The following TTYH3 variants were observed in gnomAD, a reference collection of about 807,000 sequenced individuals.
The protein encoded by TTYH3 is tweety family member 3, also known as protein tweety homolog 3.
TTYH3 carries 23 observed loss-of-function variants against 68.2 expected under a neutral mutation model. The ratio of observed to expected loss-of-function variants is 0.34; its 90% CI spans 0.24 to 0.48. The LOEUF (loss-of-function observed/expected upper bound fraction) is 0.48, where lower values mean the gene tolerates loss of function less well. Ranked by LOEUF, TTYH3 falls within the 20% of genes least tolerant of loss-of-function variation. TTYH3 has a pLI of 0.99. For missense variants in TTYH3, 768 were observed against 727.7 expected (o/e 1.06, Z -0.64); for synonymous variants, 360 against 332.8 (o/e 1.08, Z -0.89).
chr7:2,659,886 CCA>C, intron 13 of TTYH3: 19 of 1,278,530 alleles, frequency 1.5e-5, no homozygotes, highest in East Asian at 5.7e-5. Context: ...GGCGTTGAGG[CCA>C]CACTCTCTCT....
chr7:2,637,050 G>A (rs1785696007), intron 1 of TTYH3, among the ~76,000 whole-genome samples: 1 of 152,090 alleles, frequency 6.6e-6, no homozygotes, highest in Non-Finnish European at 1.5e-5. Flanking sequence ...CTGGCTCCCT[G>A]ATCTCCCCAG....
In TTYH3 at chr7:2,632,161, C is replaced by T; in HGVS notation, c.6C>T (p.Ala2=). The T allele has an allele frequency of 6.9e-7, 1 of 1,459,428 alleles. No homozygotes were observed. The highest frequency in any genetic ancestry group is 2.9e-5 in the East Asian group (1 of 34,672). 90.4% of individuals were successfully genotyped at this position (1,459,428 alleles called of 1,614,324 possible). ...GGAGGCGGCCGGGCCCCGCCATGGC[C>T]GGGGTCAGCTACGCGGCGCCCTGGT... The part of the protein sequence containing the change: M[A]GVSYAAPWWV... Residue 2 remains alanine (A), a synonymous_variant, in exon 1 of 14, where the codon GCC becomes GCT. Coordinates refer to ENST00000258796, the MANE Select transcript of TTYH3 (RefSeq NM_025250.3).
At position 2,653,022 on chromosome 7, in the gene TTYH3, C is replaced by T. The variant is rs771873430; in HGVS notation, c.1020+12C>T. 4.4e-5 allele frequency: 68 copies of T among 1,559,674 alleles called. No individual in the cohort carries two copies. Among genetic ancestry groups the T allele is most frequent in the Middle Eastern group, 1.7e-4 (1 of 5,994 alleles). On this transcript the variant is annotated intron_variant, in intron 9 of 13. Coordinates refer to ENST00000258796, the MANE Select transcript of TTYH3 (RefSeq NM_025250.3). ...AGCCGGCCACTAAGGTGAGGGGCTG[C>T]GGGGTAGGCACTGGGGCAGGCAGGG...
intron 1 of TTYH3, among the ~76,000 whole-genome samples, chr7:2,640,392 C>CTG (rs201001264): frequency 2.7e-4 from 37 of 138,320 alleles, no homozygotes; most frequent in South Asian, 4.6e-4. Flanking sequence ...GAGCAGCCGC[C>CTG]TGTGTGTGTG....
intron 1 of TTYH3, among the ~76,000 whole-genome samples, chr7:2,635,130 G>C (rs983174961): frequency 6.6e-6 from 1 of 152,208 alleles, no homozygotes; most frequent in African/African-American, 2.4e-5. Flanking sequence ...GCCCACAGGA[G>C]GCCTGAGACT....
At chr7:2,643,156 G>C (rs767655405) in intron 1 of TTYH3, among the ~76,000 whole-genome samples, 11 of 151,380 alleles carry the variant, frequency 7.3e-5, no homozygotes, top group South Asian at 4.2e-4. Flanking sequence ...GAAATCGAGA[G>C]CATCCTGGCT....
At chr7:2,648,900 A>AGGCCTGCAGTGGGGTGTGG (rs1562713825) in intron 5 of TTYH3, among the ~76,000 whole-genome samples, 11 of 30,060 alleles carry the variant, frequency 3.7e-4, no homozygotes, top group Admixed American at 2.6e-3. Flanking sequence ...TGGGGTGTGC[A>AGGCCTGCAGTGGGGTGTGG]GGCCTGCAGT....
chr7:2,647,031 G>C lies in TTYH3; in HGVS notation c.293+9G>C, dbSNP rs762406965. 3 of 1,546,160 alleles carry C rather than the reference G, an allele frequency of 1.9e-6. No individual in the cohort carries two copies. The highest frequency in any genetic ancestry group is 1.2e-5 in the South Asian group (1 of 84,656). ...GCCACGCTGGTGTGCAGGTGAGCGC[G>C]GTGGGGCGGGGACGGAGGGCGGGGC... is the stretch of plus-strand genomic sequence containing the variant. On this transcript the variant is annotated intron_variant, in intron 2 of 13. Coordinates refer to ENST00000258796, the MANE Select transcript of TTYH3 (RefSeq NM_025250.3).
intron 1 of TTYH3, among the ~76,000 whole-genome samples, chr7:2,638,776 A>G (rs1322561507): frequency 3.3e-5 from 5 of 152,098 alleles, no homozygotes. Flanking sequence ...TGCTATGGGT[A>G]GGGGCTGGGG....
At chr7:2,655,116 T>C (rs946391843) in intron 9 of TTYH3, among the ~76,000 whole-genome samples, 2 of 152,078 alleles carry the variant, frequency 1.3e-5, no homozygotes, top group Admixed American at 6.5e-5. Flanking sequence ...CCCGTAACAG[T>C]AGGCTCTGTT....
intron 5 of TTYH3, among the ~76,000 whole-genome samples, chr7:2,648,758 G>T (rs905516886): frequency 1.3e-5 from 2 of 151,428 alleles, no homozygotes; most frequent in Non-Finnish European, 2.9e-5. Context: ...TAGGGTGGTG[G>T]GGGGGGGTGC....
At position 2,644,556 on chromosome 7, in the gene TTYH3, G is replaced by T. The variant is rs775989496; in HGVS notation, c.124-2297G>T. 2.0e-5 allele frequency among the ~76,000 whole-genome samples: 3 copies of T among 152,208 alleles called. No individual in the cohort carries two copies. In the South Asian group the frequency reaches 6.2e-4, roughly 31 times the overall value. ...AGCTGATTCAGTTTCAGTGGCTCTG[G>T]TGCCAGCCCTGGGTCCTGCCCCTGG... On this transcript the variant is annotated intron_variant, in intron 1 of 13. Transcript: ENST00000258796.
At chr7:2,656,275 C>G in intron 10 of TTYH3, 91 bp downstream of exon 10, 1 of 1,562,942 alleles carries the variant, frequency 6.4e-7, no homozygotes, top group East Asian at 2.3e-5. Context: ...CCTCAGCAGA[C>G]AGTGGGTCCT....
At chr7:2,647,689 T>A (rs2114986250) in intron 4 of TTYH3, 51 bp downstream of exon 4, 1 of 1,520,308 alleles carries the variant, frequency 6.6e-7, no homozygotes, top group Non-Finnish European at 8.9e-7. Flanking sequence ...AGCATCACCC[T>A]CCTTGGGCCA....
In TTYH3 at chr7:2,662,736, C is replaced by T. The variant is rs1226348707; in HGVS notation, c.*997C>T. ...TCCCCCCTTGGGACTAACCACTAACCTCACCCCCAAACTCCACGGGTGCCC... is the reference window on the plus strand; with the variant it reads ...TCCCCCCTTGGGACTAACCACTAACTTCACCCCCAAACTCCACGGGTGCCC... On this transcript the variant is annotated 3_prime_UTR_variant, in exon 14 of 14. Transcript: ENST00000258796. 6.5e-6 allele frequency: 1 copy of T among 153,028 alleles called. No individual in the cohort carries two copies. Among genetic ancestry groups the T allele is most frequent in the East Asian group, 1.9e-4 (1 of 5,258 alleles). The allele number at this position is 153,028 out of a possible 1,614,324, so 9.5% of individuals were successfully genotyped here.
chr7:2,654,679 C>T (rs1468309062), intron 9 of TTYH3, among the ~76,000 whole-genome samples: 3 of 152,200 alleles, frequency 2.0e-5, no homozygotes, highest in African/African-American at 7.2e-5. Flanking sequence ...GGGCCGGCTT[C>T]TTCCAAGGCC....
intron 1 of TTYH3, 42 bp from the exon 2 acceptor site, chr7:2,646,811 T>G: frequency 6.4e-7 from 1 of 1,566,678 alleles, no homozygotes; most frequent in Non-Finnish European, 8.6e-7. Context: ...GACTCTGAGC[T>G]GGGGGTCCAC....
chr7:2,638,396 C>T (rs998513538), intron 1 of TTYH3, among the ~76,000 whole-genome samples: 8 of 152,104 alleles, frequency 5.3e-5, no homozygotes, highest in Non-Finnish European at 7.4e-5. Flanking sequence ...TGGGGTCCCC[C>T]GGCTACAGGG....
At chr7:2,633,466 C>G in intron 1 of TTYH3, among the ~76,000 whole-genome samples, 1 of 152,114 alleles carries the variant, frequency 6.6e-6, no homozygotes, top group Non-Finnish European at 1.5e-5. Context: ...ATGACGTTTC[C>G]TAACAGATGA....
Sources: allele counts gnomAD v4.1 joint callset (sites outside exome capture counted in the v4.1 genomes callset), GRCh38; gene constraint gnomAD v4.1.1; transcripts MANE v1.5; gene names NCBI Gene and HGNC (gene_info 2026-07-23, HGNC 2026-07-21).